KIAA1671: variants seen among roughly 807,000 people sequenced by gnomAD.
The protein encoded by KIAA1671 is KIAA1671, also known as uncharacterized protein KIAA1671.
Under a neutral mutation model 131.2 loss-of-function variants are expected in KIAA1671, and 52 were observed. That is an observed-to-expected ratio of 0.40 (90% CI 0.32 to 0.50). The LOEUF is 0.50. KIAA1671 is among the 20% of genes least tolerant of loss of function. The pLI is 0.73. For synonymous variants in KIAA1671, 1,003 were observed against 961.6 expected (o/e 1.04, Z -0.80); for missense variants, 2,360 against 2,364.2 (o/e 1.00, Z 0.04).
At chr22:25,111,230 A>G (rs1931326739) in intron 6 of KIAA1671, among the ~76,000 whole-genome samples, 1 of 152,202 alleles carries the variant, frequency 6.6e-6, no homozygotes, top group Non-Finnish European at 1.5e-5. Flanking sequence ...ATACACGCAC[A>G]CACACACAGA....
chr22:25,128,822 C>T (rs866592763), intron 6 of KIAA1671, among the ~76,000 whole-genome samples: 3 of 152,184 alleles, frequency 2.0e-5, no homozygotes, highest in Non-Finnish European at 2.9e-5. Context: ...AATCTGGAAT[C>T]CTTTCTGAAT....
Position 25,028,880 on chromosome 22 carries a change from AAG to A in KIAA1671, c.884_885del (p.Glu295GlyfsTer9). On this transcript the variant is annotated frameshift_variant, in exon 3 of 13. Coordinates refer to ENST00000358431, the MANE Select transcript of KIAA1671 (RefSeq NM_001145206.2). LOFTEE classifies it high-confidence loss of function. Reference sequence around the variant, plus strand: ...GACCTCACGGCCCGGTTTGAGAACAAAGAGGCCTTGCTGAGGAAGGTGGCCGA... The same window carrying A: ...GACCTCACGGCCCGGTTTGAGAACAAAGGCCTTGCTGAGGAAGGTGGCCGA... The A allele has an allele frequency of 6.4e-7, 1 of 1,551,460 alleles. No homozygotes were observed. Among genetic ancestry groups the A allele is most frequent in the Non-Finnish European group, 8.7e-7 (1 of 1,146,974 alleles).
chr22:25,097,018 T>C (rs1196785759), intron 6 of KIAA1671, among the ~76,000 whole-genome samples: 1 of 152,242 alleles, frequency 6.6e-6, no homozygotes, highest in African/African-American at 2.4e-5. Flanking sequence ...CTTCTCTTGT[T>C]GACCGGCATT....
At chr22:25,043,348 C>T (rs56336274) in intron 5 of KIAA1671, among the ~76,000 whole-genome samples, 5,198 of 152,248 alleles carry the variant, frequency 0.034, 121 homozygotes, top group Non-Finnish European at 0.054. Context: ...GCTGACACTA[C>T]CTACTGCTGT....
intron 1 of KIAA1671, among the ~76,000 whole-genome samples, chr22:24,956,731 G>A (rs922721776): frequency 1.3e-5 from 2 of 152,202 alleles, no homozygotes; most frequent in Admixed American, 1.3e-4. Flanking sequence ...AATTAGCCGG[G>A]CGTGGTGGCG....
intron 1 of KIAA1671, among the ~76,000 whole-genome samples, chr22:25,004,631 C>T (rs1309143167): frequency 1.3e-5 from 2 of 152,242 alleles, no homozygotes; most frequent in Middle Eastern, 6.8e-3. Flanking sequence ...CCCTGAAACT[C>T]TTTGTAACTG....
chr22:25,030,980 T>G (rs1926254325), intron 3 of KIAA1671, among the ~76,000 whole-genome samples: 1 of 152,216 alleles, frequency 6.6e-6, no homozygotes, highest in Non-Finnish European at 1.5e-5. Context: ...CCCCTAGAGA[T>G]TCCGATTCAC....
chr22:24,958,611 A>T (rs1457907085), intron 1 of KIAA1671, among the ~76,000 whole-genome samples: 5 of 148,106 alleles, frequency 3.4e-5, no homozygotes, highest in Admixed American at 6.8e-5. Flanking sequence ...AGATCATGCC[A>T]TTGCAATCCA....
At chr22:25,026,714 G>A (rs968062276) in intron 2 of KIAA1671, among the ~76,000 whole-genome samples, 88 of 151,734 alleles carry the variant, frequency 5.8e-4, no homozygotes, top group African/African-American at 2.1e-3. Context: ...TGGGCAGCAA[G>A]AGTGAAACTT....
intron 6 of KIAA1671, among the ~76,000 whole-genome samples, chr22:25,083,912 C>T (rs1279467636): frequency 1.3e-5 from 2 of 152,242 alleles, no homozygotes; most frequent in African/African-American, 4.8e-5. Context: ...CCTTCCAGCT[C>T]TGCCCTGACC....
intron 6 of KIAA1671, among the ~76,000 whole-genome samples, chr22:25,067,210 C>G (rs1027185655): frequency 6.6e-6 from 1 of 152,064 alleles, no homozygotes; most frequent in Non-Finnish European, 1.5e-5. Context: ...GCTCCCCTCC[C>G]CACACCCCCC....
chr22:25,196,638 A>G lies in KIAA1671; in HGVS notation c.*4237A>G, dbSNP rs758484158. Reference sequence around the variant, plus strand: ...TGTTTTGTAGAAACAGGATCTCACTATATTGCCCAAGCTGGTCTTAAACTT... The same window carrying G: ...TGTTTTGTAGAAACAGGATCTCACTGTATTGCCCAAGCTGGTCTTAAACTT... On this transcript the variant is annotated 3_prime_UTR_variant, in exon 13 of 13. Transcript: ENST00000358431. 6.6e-6 allele frequency: 1 copy of G among 151,944 alleles called. No homozygotes were observed. Among genetic ancestry groups the G allele is most frequent in the Non-Finnish European group, 1.5e-5 (1 of 68,008 alleles). The allele number at this position is 151,944 out of a possible 1,614,324, so 9.4% of individuals were successfully genotyped here.
chr22:25,038,624 G>A, intron 4 of KIAA1671, 136 bp from the exon 5 acceptor site: 1 of 932,068 alleles, frequency 1.1e-6, no homozygotes. Context: ...CACACTGGGT[G>A]TGTTCATTCT....
chr22:25,117,808 A>G (rs1022172350), intron 6 of KIAA1671, among the ~76,000 whole-genome samples: 3 of 152,098 alleles, frequency 2.0e-5, no homozygotes, highest in Non-Finnish European at 2.9e-5. Context: ...ATATAACTTC[A>G]TCTCTCACAG....
chr22:25,108,777 T>C (rs2145908972), intron 6 of KIAA1671, among the ~76,000 whole-genome samples: 1 of 152,352 alleles, frequency 6.6e-6, no homozygotes, highest in East Asian at 1.9e-4. Context: ...ATCTCTGTGA[T>C]GTCTATGGGC....
rs554288249 is a variant in KIAA1671 at position 25,188,296 on chromosome 22, G to A, written c.5343-2406G>A. Reference sequence around the variant, plus strand: ...AGCCTGGGCGACAGAGAGAGACTCCGTCTCAAAACAAACAAACAAACAGTT... The same window carrying A: ...AGCCTGGGCGACAGAGAGAGACTCCATCTCAAAACAAACAAACAAACAGTT... On this transcript the variant is annotated intron_variant, in intron 11 of 12. Transcript: ENST00000358431. Among the ~76,000 whole-genome samples, 49 of 119,640 alleles carry A rather than the reference G, an allele frequency of 4.1e-4. 1 individual carries two copies. The East Asian group carries it at 8.2e-3, about 20-fold the overall frequency. The allele number at this position is 119,640 out of a possible 152,430, so 78.5% of individuals were successfully genotyped here.
chr22:25,045,255 C>T (rs1258832385), intron 5 of KIAA1671, among the ~76,000 whole-genome samples: 1 of 152,152 alleles, frequency 6.6e-6, no homozygotes, highest in African/African-American at 2.4e-5. Flanking sequence ...TGGGGAACAC[C>T]CCTCTAGGCC....
At position 25,004,909 on chromosome 22, in the gene KIAA1671, G is replaced by C. The variant is rs192439626; in HGVS notation, c.-207-20724G>C. ...TGCAGTGAGCTGAGATGGCACCTCT[G>C]CACTCCAGCCTGGGCAACAGAGTGA... On this transcript the variant is annotated intron_variant, in intron 1 of 12. Transcript: ENST00000358431. 1.3e-3 allele frequency among the ~76,000 whole-genome samples: 203 copies of C among 151,662 alleles called. 1 individual carries two copies. Among genetic ancestry groups the C allele is most frequent in the Middle Eastern group, 6.8e-3 (2 of 294 alleles).
At chr22:25,120,788 A>G (rs1354669422) in intron 6 of KIAA1671, among the ~76,000 whole-genome samples, 1 of 152,178 alleles carries the variant, frequency 6.6e-6, no homozygotes, top group Non-Finnish European at 1.5e-5. Context: ...AAAGTTTTGT[A>G]TGTCTTTATG....
Sources: gnomAD v4.1 joint callset for allele counts (sites outside exome capture counted in the v4.1 genomes callset) on GRCh38, gnomAD v4.1.1 for gene constraint, MANE v1.5 for transcripts, NCBI Gene and HGNC (gene_info 2026-07-23, HGNC 2026-07-21) for gene names.